The following IQGAP1 variants were observed in gnomAD, a reference collection of about 807,000 sequenced individuals.
The protein encoded by IQGAP1 is ras GTPase-activating-like protein IQGAP1.
IQGAP1 carries 66 observed loss-of-function variants against 215.6 expected under a neutral mutation model. The observed-to-expected ratio is 0.31, with a 90% CI of 0.25 to 0.38. IQGAP1 has a LOEUF of 0.38. Among genes scored for constraint, IQGAP1 ranks in the 10% least tolerant of loss-of-function variants. The pLI is 1.00. For missense variants in IQGAP1, 1,712 were observed against 1,997.1 expected, an observed-to-expected ratio of 0.86 and a Z score of 2.72; for synonymous variants, 772 against 728.7, an observed-to-expected ratio of 1.06 and a Z score of -0.96.
At chr15:90,435,468 T>G (rs1032861705) in intron 5 of IQGAP1, among the ~76,000 whole-genome samples, 1 of 152,188 alleles carries the variant, frequency 6.6e-6, no homozygotes, top group African/African-American at 2.4e-5. Context: ...AGAGCGAGAC[T>G]CTGTCTCTAA....
chr15:90,489,824 T>TGG (rs1966178397), intron 33 of IQGAP1, among the ~76,000 whole-genome samples: 1 of 152,226 alleles, frequency 6.6e-6, no homozygotes, highest in Admixed American at 6.5e-5. Context: ...CAGTCTTTAT[T>TGG]GAGAACCTAG....
At chr15:90,443,104 A>C (rs552610828) in intron 8 of IQGAP1, among the ~76,000 whole-genome samples, 1 of 152,192 alleles carries the variant, frequency 6.6e-6, no homozygotes, top group African/African-American at 2.4e-5. Context: ...GACTACAGGC[A>C]TGTGCCACCA....
At chr15:90,414,534 C>T (rs899487250) in intron 2 of IQGAP1, among the ~76,000 whole-genome samples, 1 of 152,142 alleles carries the variant, frequency 6.6e-6, no homozygotes, top group African/African-American at 2.4e-5. Context: ...GCATTGAAAG[C>T]TGGTGACCTC....
rs748899859 is a variant in IQGAP1, at chr15:90,473,817, G to T, written c.2433+19G>T. The T allele has an allele frequency of 2.4e-5, 39 of 1,611,622 alleles. No homozygotes were observed. The South Asian group carries it at 3.4e-4, about 14-fold the overall frequency. On this transcript the variant is annotated intron_variant, in intron 20 of 37. Transcript: ENST00000268182. Reference sequence around the variant, plus strand: ...TGTAAAGGTATGGTAGCCTGAACAGGGTTTCTCCATGAGGGGCACAGGTAT... The same window carrying T: ...TGTAAAGGTATGGTAGCCTGAACAGTGTTTCTCCATGAGGGGCACAGGTAT...
intron 1 of IQGAP1, among the ~76,000 whole-genome samples, chr15:90,388,727 G>C (rs1176745144): frequency 6.6e-6 from 1 of 152,208 alleles, no homozygotes; most frequent in African/African-American, 2.4e-5. Context: ...TGACCGCGCA[G>C]GGCGTGTCCC....
At chr15:90,494,062 A>G (rs1328662723) in intron 35 of IQGAP1, 1 of 152,228 alleles carries the variant, frequency 6.6e-6, no homozygotes, top group African/African-American at 2.4e-5. Flanking sequence ...GCAGATAGAT[A>G]TAACAGTTGA....
chr15:90,397,876 C>CTTTTCT (rs1567112875), intron 2 of IQGAP1: 10 of 50,682 alleles, frequency 2.0e-4, no homozygotes, highest in African/African-American at 7.1e-4. Context: ...TTTTTCTTTT[C>CTTTTCT]TTTTTTTTTT....
chr15:90,417,162 G>C (rs1223714790), intron 2 of IQGAP1, among the ~76,000 whole-genome samples: 2 of 152,168 alleles, frequency 1.3e-5, no homozygotes, highest in South Asian at 2.1e-4. Context: ...TAGGTTGCCT[G>C]TTCACTCTGA....
intron 3 of IQGAP1, among the ~76,000 whole-genome samples, chr15:90,427,513 G>A (rs1965240307): frequency 1.3e-5 from 2 of 152,140 alleles, no homozygotes. Context: ...GTTGAGGCGG[G>A]CGGATCACTT....
chr15:90,469,196 G>C (rs1364812731), intron 18 of IQGAP1, among the ~76,000 whole-genome samples: 1 of 152,138 alleles, frequency 6.6e-6, no homozygotes, highest in African/African-American at 2.4e-5. Flanking sequence ...ATATATACTG[G>C]GGGAAGATGC....
chr15:90,420,388 C>G (rs1290469464), intron 2 of IQGAP1, among the ~76,000 whole-genome samples: 1 of 152,176 alleles, frequency 6.6e-6, no homozygotes, highest in South Asian at 2.1e-4. Flanking sequence ...TTTACGTTCT[C>G]TTGCTCCAGG....
At chr15:90,426,445 ATAT>A (rs2151013990) in intron 3 of IQGAP1, among the ~76,000 whole-genome samples, 179 bp downstream of exon 3, 1 of 152,300 alleles carries the variant, frequency 6.6e-6, no homozygotes, top group Non-Finnish European at 1.5e-5. Flanking sequence ...TACTAGGCAA[ATAT>A]TATTACATCT....
At chr15:90,467,861 C>T (rs1450274123) in intron 18 of IQGAP1, among the ~76,000 whole-genome samples, 6 of 152,136 alleles carry the variant, frequency 3.9e-5, no homozygotes, top group Admixed American at 6.5e-5. Flanking sequence ...AAGTTGCTAA[C>T]TCCATTAAAT....
chr15:90,470,460 A>G (rs994791074), intron 18 of IQGAP1, among the ~76,000 whole-genome samples: 1 of 152,186 alleles, frequency 6.6e-6, no homozygotes, highest in African/African-American at 2.4e-5. Context: ...TCTGTTTCTG[A>G]CAAGCTTTCA....
intron 2 of IQGAP1, among the ~76,000 whole-genome samples, chr15:90,411,476 A>C (rs1308808285): frequency 6.6e-6 from 1 of 151,816 alleles, no homozygotes; most frequent in East Asian, 1.9e-4. Flanking sequence ...ATCATAGTTA[A>C]CCCCCACTCC....
chr15:90,428,574 G>GT (rs1447673049), intron 3 of IQGAP1, among the ~76,000 whole-genome samples: 4 of 151,990 alleles, frequency 2.6e-5, no homozygotes, highest in Admixed American at 1.3e-4. Context: ...GAGTCTAGGA[G>GT]TTTGAGATCA....
chr15:90,490,226 G>C (rs888189487), intron 33 of IQGAP1, among the ~76,000 whole-genome samples: 3 of 152,232 alleles, frequency 2.0e-5, no homozygotes, highest in African/African-American at 7.2e-5. Flanking sequence ...GGCAGTCAAT[G>C]AAGTATTGAG....
rs1043875611 is a variant in IQGAP1 at position 90,502,099 on chromosome 15, C to T, written c.*1991C>T. The T allele has an allele frequency of 6.6e-6, 1 of 152,666 alleles. No individual in the cohort carries two copies. The highest frequency in any genetic ancestry group is 1.5e-5 in the Non-Finnish European group (1 of 68,066). 9.5% of individuals were successfully genotyped at this position (152,666 alleles called of 1,614,324 possible). On this transcript the variant is annotated 3_prime_UTR_variant, in exon 38 of 38. Coordinates refer to ENST00000268182, the MANE Select transcript of IQGAP1 (RefSeq NM_003870.4). ...TAGCATTCTCTGTCTCCTCTCTCTC[C>T]TCCTTTGACCTTCTCCTCGACCAGC... is the stretch of plus-strand genomic sequence containing the variant.
intron 7 of IQGAP1, 107 bp downstream of exon 7, chr15:90,440,722 T>A: frequency 1.4e-6 from 1 of 695,084 alleles, no homozygotes; most frequent in Admixed American, 2.7e-5. Context: ...CCAGCAAGTT[T>A]AAGTCCACAG....
Sources: allele counts gnomAD v4.1 joint callset (sites outside exome capture counted in the v4.1 genomes callset), GRCh38; gene constraint gnomAD v4.1.1; transcripts MANE v1.5; gene names NCBI Gene and HGNC (gene_info 2026-07-23, HGNC 2026-07-21).